WWOX: variants seen among roughly 807,000 people sequenced by gnomAD.
WWOX encodes WW domain containing oxidoreductase.
A neutral mutation model predicts 46.2 loss-of-function variants in WWOX; 69 were observed. That is an observed-to-expected ratio of 1.49 (90% CI 1.23 to 1.82). The LOEUF is 1.82. Among genes scored for constraint, WWOX ranks in the 40% most tolerant of loss-of-function variants. The probability of loss-of-function intolerance (pLI) is 0.00; values close to 1 mark genes in which losing one functional copy is unlikely to be tolerated. For missense variants in WWOX, 919 were observed against 542.6 expected, an observed-to-expected ratio of 1.69 and a Z score of -6.89; for synonymous variants, 359 against 202.6, an observed-to-expected ratio of 1.77 and a Z score of -6.56.
chr16:78,932,034 G>C (rs561947364), intron 8 of WWOX, among the ~76,000 whole-genome samples: 8 of 152,336 alleles, frequency 5.3e-5, no homozygotes, highest in African/African-American at 1.7e-4. Context: ...TGCCGTGATT[G>C]TGAGACTTTC....
chr16:78,432,264 C>G (rs559731709), intron 7 of WWOX, among the ~76,000 whole-genome samples: 1 of 151,972 alleles, frequency 6.6e-6, no homozygotes, highest in Non-Finnish European at 1.5e-5. Flanking sequence ...TGCCACCACA[C>G]CTGGCTAATT....
intron 6 of WWOX, among the ~76,000 whole-genome samples, chr16:78,401,512 C>T (rs1472309558): frequency 2.0e-5 from 3 of 152,100 alleles, no homozygotes; most frequent in Non-Finnish European, 4.4e-5. Context: ...AACCTGTATC[C>T]TGTCTTGGTA....
chr16:79,085,213 C>A (rs1813660642), intron 8 of WWOX, among the ~76,000 whole-genome samples: 1 of 152,202 alleles, frequency 6.6e-6, no homozygotes, highest in African/African-American at 2.4e-5. Flanking sequence ...CTTTCTCTCA[C>A]TTGACTCTGT....
intron 8 of WWOX, among the ~76,000 whole-genome samples, chr16:78,698,035 C>T (rs1017007460): frequency 5.9e-5 from 9 of 152,122 alleles, no homozygotes; most frequent in African/African-American, 2.2e-4. Context: ...TTTCAAAGGG[C>T]TTATAAATTA....
At chr16:78,445,229 A>C (rs1025543853) in intron 8 of WWOX, among the ~76,000 whole-genome samples, 1 of 152,176 alleles carries the variant, frequency 6.6e-6, no homozygotes, top group Non-Finnish European at 1.5e-5. Context: ...TGTAAATACC[A>C]TACCCCATCT....
intron 8 of WWOX, among the ~76,000 whole-genome samples, chr16:78,486,181 G>A (rs559102984): frequency 1.3e-5 from 2 of 152,244 alleles, no homozygotes; most frequent in African/African-American, 4.8e-5. Flanking sequence ...TGTAGTATTT[G>A]CTGATTACTG....
chr16:78,521,076 C>G (rs539992669), intron 8 of WWOX, among the ~76,000 whole-genome samples: 22 of 152,282 alleles, frequency 1.4e-4, no homozygotes, highest in Non-Finnish European at 2.1e-4. Context: ...TGAGTTGATT[C>G]TGTTTAACTG....
chr16:78,837,542 T>C (rs1331992861), intron 8 of WWOX, among the ~76,000 whole-genome samples: 1 of 152,198 alleles, frequency 6.6e-6, no homozygotes, highest in African/African-American at 2.4e-5. Flanking sequence ...TGGGATACTT[T>C]TTTTTATTAT....
At chr16:79,036,495 G>C (rs904938035) in intron 8 of WWOX, among the ~76,000 whole-genome samples, 15 of 152,322 alleles carry the variant, frequency 9.8e-5, no homozygotes, top group African/African-American at 2.6e-4. Context: ...CTATGGTGCA[G>C]CTTCCTCCGA....
chr16:78,906,962 A>G (rs2044981287), intron 8 of WWOX, among the ~76,000 whole-genome samples: 1 of 152,188 alleles, frequency 6.6e-6, no homozygotes, highest in South Asian at 2.1e-4. Flanking sequence ...TGATAACGTA[A>G]CCGCCCAATG....
At chr16:79,011,442 C>T (rs549725139) in intron 8 of WWOX, among the ~76,000 whole-genome samples, 4 of 148,762 alleles carry the variant, frequency 2.7e-5, no homozygotes, top group Non-Finnish European at 4.5e-5. Context: ...CCATAGTCTT[C>T]CTTTTTTTAT....
chr16:78,722,925 C>T (rs577873808), intron 8 of WWOX, among the ~76,000 whole-genome samples: 3 of 151,868 alleles, frequency 2.0e-5, no homozygotes, highest in Non-Finnish European at 4.4e-5. Flanking sequence ...GCCTGTAGCC[C>T]CACCTACTTG....
chr16:78,297,100 G>T (rs564136639), intron 5 of WWOX, among the ~76,000 whole-genome samples: 1 of 152,286 alleles, frequency 6.6e-6, no homozygotes, highest in East Asian at 1.9e-4. Flanking sequence ...TAGCCCTGGA[G>T]TGAGGTGGCT....
chr16:79,105,308 A>G (rs2049286185), intron 8 of WWOX, among the ~76,000 whole-genome samples: 1 of 152,174 alleles, frequency 6.6e-6, no homozygotes, highest in Non-Finnish European at 1.5e-5. Context: ...AGGGTAGAAA[A>G]TACAGATAAG....
intron 5 of WWOX, among the ~76,000 whole-genome samples, chr16:78,172,865 C>A (rs1445791808): frequency 6.6e-6 from 1 of 152,202 alleles, no homozygotes; most frequent in Non-Finnish European, 1.5e-5. Context: ...CAGTGTTCAG[C>A]CGCCAATGGC....
chr16:78,482,657 C>G (rs1230495581), intron 8 of WWOX, among the ~76,000 whole-genome samples: 1 of 152,116 alleles, frequency 6.6e-6, no homozygotes, highest in Non-Finnish European at 1.5e-5. Flanking sequence ...TCCTGATTTC[C>G]CAGGCAGAGA....
intron 5 of WWOX, among the ~76,000 whole-genome samples, chr16:78,231,362 G>A (rs540047662): frequency 6.6e-6 from 1 of 152,260 alleles, no homozygotes; most frequent in East Asian, 1.9e-4. Context: ...TAGAATTTCT[G>A]AATGCAAATT....
chr16:78,334,102 C>T (rs1293965236), intron 5 of WWOX, among the ~76,000 whole-genome samples: 1 of 152,176 alleles, frequency 6.6e-6, no homozygotes, highest in Non-Finnish European at 1.5e-5. Context: ...TTGATTCCCC[C>T]TTTACTCACA....
chr16:78,420,636 G>A (rs1479977970), intron 6 of WWOX, among the ~76,000 whole-genome samples: 1 of 145,672 alleles, frequency 6.9e-6, no homozygotes. Context: ...GATAGAGGGT[G>A]GCTAGTGATT....
Sources: allele counts gnomAD v4.1 joint callset (sites outside exome capture counted in the v4.1 genomes callset), GRCh38; gene constraint gnomAD v4.1.1; transcripts MANE v1.5; gene names NCBI Gene and HGNC (gene_info 2026-07-23, HGNC 2026-07-21).